The following MTBP variants were observed in gnomAD, a reference collection of about 807,000 sequenced individuals.
MTBP encodes the protein MDM2 binding protein, also known as mdm2-binding protein.
In MTBP, 101 loss-of-function variants were observed where a neutral mutation model predicts 117.0. The observed-to-expected ratio is 0.86, with a 90% CI of 0.73 to 1.02. The LOEUF (loss-of-function observed/expected upper bound fraction) is 1.02, where lower values mean the gene tolerates loss of function less well. MTBP is among the 50% of genes least tolerant of loss of function. The pLI is 0.00. For synonymous variants in MTBP, 350 were observed against 351.5 expected (o/e 1.00, Z 0.05); for missense variants, 970 against 1,030.9 (o/e 0.94, Z 0.81).
intron 2 of MTBP, among the ~76,000 whole-genome samples, chr8:120,447,240 C>T (rs756451842): frequency 6.6e-6 from 1 of 151,590 alleles, no homozygotes; most frequent in African/African-American, 2.4e-5. Flanking sequence ...TTGTAGTTCC[C>T]GTGACTGTAC....
intron 15 of MTBP, among the ~76,000 whole-genome samples, chr8:120,505,170 G>C (rs1249248410): frequency 2.0e-5 from 3 of 151,920 alleles, no homozygotes. Context: ...TAGGTAGTTG[G>C]CATGTATTTT....
At chr8:120,491,604 G>A (rs1308636909) in intron 13 of MTBP, among the ~76,000 whole-genome samples, 2 of 152,110 alleles carry the variant, frequency 1.3e-5, no homozygotes, top group Non-Finnish European at 2.9e-5. Context: ...TGAAATACCA[G>A]TATTGTTATG....
At chr8:120,504,403 T>A (rs1177421309) in intron 15 of MTBP, among the ~76,000 whole-genome samples, 1 of 152,202 alleles carries the variant, frequency 6.6e-6, no homozygotes, top group African/African-American at 2.4e-5. Context: ...TCTCTCTGAG[T>A]TCCTACTCTA....
chr8:120,472,756 A>G (rs1463304308), intron 11 of MTBP: 1 of 152,210 alleles, frequency 6.6e-6, no homozygotes, highest in African/African-American at 2.4e-5. Flanking sequence ...CTTCTGTTAC[A>G]TTCCGTTATT....
chr8:120,502,484 C>T lies in MTBP; in HGVS notation c.1610-8C>T. ...TTTTCAGACTTATGTGTATTTCTTT[C>T]ACTTTAGATTTTAGTCCAGTGGAAC... On this transcript the variant is annotated splice_region_variant and splice_polypyrimidine_tract_variant and intron_variant, in intron 14 of 21. Transcript: ENST00000305949. 1.3e-6 allele frequency: 2 copies of T among 1,539,518 alleles called. No homozygotes were observed. The highest frequency in any genetic ancestry group is 1.8e-6 in the Non-Finnish European group (2 of 1,133,716).
At chr8:120,482,342 T>G (rs1016055350) in intron 11 of MTBP, among the ~76,000 whole-genome samples, 5 of 152,218 alleles carry the variant, frequency 3.3e-5, no homozygotes, top group African/African-American at 1.2e-4. Flanking sequence ...TTATTGTATC[T>G]CAAACTTGTT....
At chr8:120,446,402 C>T (rs199814276) in intron 1 of MTBP, 31 bp from the exon 2 acceptor site, 69 of 1,324,058 alleles carry the variant, frequency 5.2e-5, no homozygotes, top group Non-Finnish European at 6.5e-5. Context: ...AATCTAGAGC[C>T]CTTTGAGTTA....
At chr8:120,505,222 T>C (rs999498082) in intron 15 of MTBP, among the ~76,000 whole-genome samples, 49 of 152,228 alleles carry the variant, frequency 3.2e-4, no homozygotes, top group African/African-American at 1.0e-3. Flanking sequence ...CTCTCACTTA[T>C]ATTAATGTTA....
chr8:120,483,138 A>G (rs1047503670), intron 11 of MTBP, among the ~76,000 whole-genome samples: 1 of 151,900 alleles, frequency 6.6e-6, no homozygotes, highest in South Asian at 2.1e-4. Flanking sequence ...AGGGTGGGGT[A>G]TCAGGCTAGG....
Position 120,491,132 on chromosome 8 carries a change from T to C in MTBP, c.1447+562T>C, listed in dbSNP as rs1319873677. Among the ~76,000 whole-genome samples, 7 of 152,290 alleles carry C rather than the reference T, an allele frequency of 4.6e-5. No homozygotes were observed. The East Asian group carries it at 9.6e-4, about 21-fold the overall frequency. Reference sequence around the variant, plus strand: ...GTTAATTTGGCTATCAGTCTTATTTTTTAATACAAATTTTAAGCATTCATT... The same window carrying C: ...GTTAATTTGGCTATCAGTCTTATTTCTTAATACAAATTTTAAGCATTCATT... On this transcript the variant is annotated intron_variant, in intron 13 of 21. Coordinates refer to ENST00000305949, the MANE Select transcript of MTBP (RefSeq NM_022045.5).
At chr8:120,463,865 G>T (rs1813633011) in intron 10 of MTBP, 104 bp downstream of exon 10, 1 of 1,106,262 alleles carries the variant, frequency 9.0e-7, no homozygotes, top group Middle Eastern at 2.1e-4. Flanking sequence ...TTTGCTTGAT[G>T]ACTTGGTTTC....
At chr8:120,495,567 G>C (rs1032621447) in intron 13 of MTBP, among the ~76,000 whole-genome samples, 4 of 150,230 alleles carry the variant, frequency 2.7e-5, no homozygotes, top group African/African-American at 9.9e-5. Context: ...TCTCTCTCTG[G>C]AGCTCTGGAG....
chr8:120,516,988 T>TA (rs1469316409), intron 18 of MTBP, among the ~76,000 whole-genome samples: 4 of 151,918 alleles, frequency 2.6e-5, no homozygotes, highest in Non-Finnish European at 4.4e-5. Flanking sequence ...CTGATAAAAT[T>TA]AAAAAGCAGC....
Position 120,515,999 on chromosome 8 carries a change from A to T in MTBP, c.2054A>T (p.Tyr685Phe). The part of the protein sequence containing the change: ...FSELQSRLIR[Y>F]ETQTTCTRES... ...GAACTTCAGTCTCGTCTTATTCGTTATGAAACTCAAACTACCTGCACCAGA... is the reference window on the plus strand; with the variant it reads ...GAACTTCAGTCTCGTCTTATTCGTTTTGAAACTCAAACTACCTGCACCAGA... Residue 685 changes from tyrosine (Y) to phenylalanine (F), a missense_variant, in exon 18 of 22, where the codon TAT becomes TTT. Coordinates refer to ENST00000305949, the MANE Select transcript of MTBP (RefSeq NM_022045.5). 6.2e-7 allele frequency: 1 copy of T among 1,613,092 alleles called. No individual in the cohort carries two copies. Among genetic ancestry groups the T allele is most frequent in the East Asian group, 2.2e-5 (1 of 44,842 alleles).
intron 14 of MTBP, 85 bp from the exon 15 acceptor site, chr8:120,502,407 G>A (rs567956392): frequency 2.7e-5 from 23 of 858,970 alleles, no homozygotes; most frequent in Non-Finnish European, 4.0e-5. Flanking sequence ...ACACACGTAT[G>A]TATGTGTCTG....
At chr8:120,508,080 C>T (rs1333572836) in intron 16 of MTBP, among the ~76,000 whole-genome samples, 3 of 152,084 alleles carry the variant, frequency 2.0e-5, no homozygotes, top group Non-Finnish European at 4.4e-5. Context: ...TGATGTGATT[C>T]TTCAATGTTA....
At chr8:120,446,623 G>A in intron 2 of MTBP, 110 bp downstream of exon 2, 1 of 698,096 alleles carries the variant, frequency 1.4e-6, no homozygotes. Flanking sequence ...CTGTGTACAA[G>A]GCACTGAGTT....
rs1171680647 is a variant in MTBP at position 120,459,363 on chromosome 8, AT to A, written c.882+21del. 4.4e-6 allele frequency: 7 copies of A among 1,586,564 alleles called. No homozygotes were observed. Among genetic ancestry groups the A allele is most frequent in the East Asian group, 2.3e-5 (1 of 44,380 alleles). The stretch of plus-strand genomic sequence containing the variant: ...ATTTTGCCAAAGGTAATCGTGTTTA[AT>A]TTTTTTGTGTGATCATTCATGTGTA... On this transcript the variant is annotated intron_variant, in intron 8 of 21. Transcript: ENST00000305949.
chr8:120,456,912 T>C (rs2130520260), intron 7 of MTBP, among the ~76,000 whole-genome samples: 1 of 152,284 alleles, frequency 6.6e-6, no homozygotes, highest in South Asian at 2.1e-4. Context: ...TTTATTTGAT[T>C]TTAATTAACT....
Sources: gnomAD v4.1 joint callset for allele counts (sites outside exome capture counted in the v4.1 genomes callset) on GRCh38, gnomAD v4.1.1 for gene constraint, MANE v1.5 for transcripts, NCBI Gene and HGNC (gene_info 2026-07-23, HGNC 2026-07-21) for gene names.